Variants in CTNNA3 observed in about 807,000 individuals in gnomAD.
CTNNA3 encodes catenin alpha-3.
Under a neutral mutation model 95.7 loss-of-function variants are expected in CTNNA3, and 76 were observed. The ratio of observed to expected loss-of-function variants is 0.79; its 90% CI spans 0.66 to 0.96. CTNNA3 has a LOEUF of 0.96. CTNNA3 is among the 40% of genes least tolerant of loss of function. The probability of loss-of-function intolerance (pLI) is 0.00; values close to 1 mark genes in which losing one functional copy is unlikely to be tolerated. For missense variants in CTNNA3, 1,191 were observed against 1,089.8 expected (o/e 1.09, Z -1.31); for synonymous variants, 431 against 374.4 (o/e 1.15, Z -1.74).
chr10:66,206,245 A>G (rs1023780759), intron 13 of CTNNA3, among the ~76,000 whole-genome samples: 2 of 151,910 alleles, frequency 1.3e-5, no homozygotes, highest in African/African-American at 4.8e-5. Flanking sequence ...AAGGAAATAT[A>G]ACACCAACTT....
At chr10:66,263,557 T>C (rs553096165) in intron 13 of CTNNA3, among the ~76,000 whole-genome samples, 1 of 151,898 alleles carries the variant, frequency 6.6e-6, no homozygotes, top group Non-Finnish European at 1.5e-5. Context: ...AAGGACAACA[T>C]AAAGTAACCC....
intron 12 of CTNNA3, among the ~76,000 whole-genome samples, chr10:66,298,173 A>C (rs532481141): frequency 4.9e-4 from 75 of 152,320 alleles, no homozygotes; most frequent in African/African-American, 1.7e-3. Flanking sequence ...TCTCTGCAAG[A>C]TAGAGGTAGT....
At chr10:66,538,862 T>A (rs10997224) in intron 10 of CTNNA3, among the ~76,000 whole-genome samples, 9,233 of 152,136 alleles carry the variant, frequency 0.061, 853 homozygotes, top group African/African-American at 0.2. Context: ...ATGTATCAGG[T>A]TTAACTGATT....
intron 17 of CTNNA3, among the ~76,000 whole-genome samples, chr10:65,954,991 T>C (rs1236216577): frequency 1.3e-5 from 2 of 152,236 alleles, no homozygotes; most frequent in Admixed American, 1.3e-4. Context: ...ATGACCATTT[T>C]CACAATATTG....
intron 5 of CTNNA3, among the ~76,000 whole-genome samples, chr10:67,502,704 C>T (rs573499682): frequency 1.3e-5 from 2 of 152,224 alleles, no homozygotes; most frequent in African/African-American, 4.8e-5. Context: ...CTGGCTACAG[C>T]GGCTTTGCTG....
intron 11 of CTNNA3, among the ~76,000 whole-genome samples, chr10:66,437,161 G>A (rs1205079356): frequency 1.3e-5 from 2 of 151,968 alleles, no homozygotes. Context: ...TGACAATTAT[G>A]TGTCTTGGGG....
chr10:66,773,711 T>C (rs931551004), intron 8 of CTNNA3, among the ~76,000 whole-genome samples: 6 of 152,196 alleles, frequency 3.9e-5, no homozygotes, highest in Non-Finnish European at 7.3e-5. Context: ...ACAATGGAGA[T>C]GTTAACCTGT....
chr10:67,736,755 T>A (rs1241921507), intron 1 of CTNNA3, among the ~76,000 whole-genome samples: 1 of 151,948 alleles, frequency 6.6e-6, no homozygotes, highest in Non-Finnish European at 1.5e-5. Context: ...CGGCCCACAT[T>A]TTTTAAAAGA....
Position 66,469,337 on chromosome 10 carries a change from G to C in CTNNA3, c.1531+51280C>G, listed in dbSNP as rs191164191. 2.2e-4 allele frequency among the ~76,000 whole-genome samples: 33 copies of C among 152,042 alleles called. 1 individual carries two copies. Among genetic ancestry groups the C allele is most frequent in the Admixed American group, 2.0e-3 (30 of 15,216 alleles). ...ACAGAAGTTGTAAGGTGGGAGAAGA[G>C]ATATCTGAGACAAAGGGTAGAGAAT... is the stretch of plus-strand genomic sequence containing the variant. On this transcript the variant is annotated intron_variant, in intron 11 of 17. Transcript: ENST00000433211.
chr10:66,154,897 T>C (rs950604394), intron 13 of CTNNA3, among the ~76,000 whole-genome samples: 1 of 151,304 alleles, frequency 6.6e-6, no homozygotes, highest in African/African-American at 2.4e-5. Context: ...GTGCACATTC[T>C]CTAGAGTTGT....
chr10:67,152,455 T>A (rs1214609593), intron 7 of CTNNA3, among the ~76,000 whole-genome samples: 1 of 152,234 alleles, frequency 6.6e-6, no homozygotes, highest in African/African-American at 2.4e-5. Flanking sequence ...ACGTTTAGTG[T>A]CATAATTAGT....
rs117632083 is a variant in CTNNA3 at position 67,636,341 on chromosome 10, A to G, written c.99+11074T>C. ...CTATTTTAAAATGTATTTGGAACCA[A>G]AAAACAGCTCAAATAGCCAAGACAA... On this transcript the variant is annotated intron_variant, in intron 2 of 17. Coordinates refer to ENST00000433211, the MANE Select transcript of CTNNA3 (RefSeq NM_013266.4). 0.034 allele frequency among the ~76,000 whole-genome samples: 5,157 copies of G among 152,288 alleles called. 613 individuals are homozygous for G. In the East Asian group the frequency reaches 0.43, roughly 13 times the overall value.
chr10:66,356,132 T>TGG (rs1589132639), intron 12 of CTNNA3, among the ~76,000 whole-genome samples: 2 of 151,228 alleles, frequency 1.3e-5, no homozygotes, highest in East Asian at 1.9e-4. Context: ...GTTTTTTTTT[T>TGG]TTTTTTTTTG....
intron 1 of CTNNA3, among the ~76,000 whole-genome samples, chr10:67,719,288 T>A (rs531430976): frequency 1.3e-5 from 2 of 152,206 alleles, no homozygotes; most frequent in Non-Finnish European, 2.9e-5. Flanking sequence ...GTTTTTTGTG[T>A]CTCTATCTCC....
At chr10:66,425,885 T>C (rs1025825590) in intron 11 of CTNNA3, among the ~76,000 whole-genome samples, 4 of 152,054 alleles carry the variant, frequency 2.6e-5, no homozygotes, top group Admixed American at 1.3e-4. Flanking sequence ...GCTCCTTCGT[T>C]CCCCATACAG....
At chr10:65,951,820 G>C (rs1670142) in intron 17 of CTNNA3, among the ~76,000 whole-genome samples, 28,413 of 152,030 alleles carry the variant, frequency 0.19, 2,786 homozygotes, top group South Asian at 0.29. Context: ...ACGAGGTCAG[G>C]AGATCGAGAC....
intron 10 of CTNNA3, among the ~76,000 whole-genome samples, chr10:66,590,075 C>T (rs1843496654): frequency 6.6e-6 from 1 of 151,956 alleles, no homozygotes; most frequent in South Asian, 2.1e-4. Context: ...ACTGCTAATT[C>T]AATGGTATTG....
At chr10:67,276,954 A>T (rs1221796914) in intron 5 of CTNNA3, among the ~76,000 whole-genome samples, 1 of 152,086 alleles carries the variant, frequency 6.6e-6, no homozygotes, top group Non-Finnish European at 1.5e-5. Context: ...CTTGAAGAAG[A>T]CATCACCAAA....
chr10:66,095,705 T>G (rs1423984317), intron 14 of CTNNA3, among the ~76,000 whole-genome samples: 1 of 152,154 alleles, frequency 6.6e-6, no homozygotes, highest in Non-Finnish European at 1.5e-5. Flanking sequence ...CATGGCATTT[T>G]TTTTACACTA....
Sources: gnomAD v4.1 joint callset for allele counts (sites outside exome capture counted in the v4.1 genomes callset) on GRCh38, gnomAD v4.1.1 for gene constraint, MANE v1.5 for transcripts, NCBI Gene and HGNC (gene_info 2026-07-23, HGNC 2026-07-21) for gene names.